Variants in NAA25 observed in about 807,000 individuals in gnomAD.
The protein encoded by NAA25 is N-terminal acetyltransferase B complex subunit NAA25.
In NAA25, 30 loss-of-function variants were observed where a neutral mutation model predicts 132.5. The ratio of observed to expected loss-of-function variants is 0.23; its 90% CI spans 0.17 to 0.31. NAA25 has a LOEUF of 0.31. Among genes scored for constraint, NAA25 ranks in the 10% least tolerant of loss-of-function variants. NAA25 has a pLI of 1.00. For synonymous variants in NAA25, 359 were observed against 401.9 expected, an observed-to-expected ratio of 0.89 and a Z score of 1.28; for missense variants, 771 against 1,150.4, an observed-to-expected ratio of 0.67 and a Z score of 4.77.
intron 1 of NAA25, among the ~76,000 whole-genome samples, chr12:112,096,395 C>T (rs1452008417): frequency 6.6e-6 from 1 of 152,156 alleles, no homozygotes; most frequent in African/African-American, 2.4e-5. Flanking sequence ...GAGTGTCCCA[C>T]AGAACAGAAA....
chr12:112,037,501 G>A (rs2078240898), intron 22 of NAA25: 1 of 147,054 alleles, frequency 6.8e-6, no homozygotes, highest in African/African-American at 2.5e-5. Flanking sequence ...AGTGGGTGAA[G>A]GGCCATTGGG....
At chr12:112,106,403 A>G (rs185052086) in intron 1 of NAA25, among the ~76,000 whole-genome samples, 1 of 151,966 alleles carries the variant, frequency 6.6e-6, no homozygotes, top group Non-Finnish European at 1.5e-5. Context: ...AAAAAAAAAA[A>G]GTCTGCAGGC....
intron 23 of NAA25, 48 bp downstream of exon 23, chr12:112,033,185 T>C (rs374225169): frequency 1.8e-5 from 28 of 1,524,518 alleles, no homozygotes; most frequent in Non-Finnish European, 2.4e-5. Context: ...AGAGACAGAG[T>C]GTTTGTGTGT....
rs751455062 is a variant in NAA25 at position 112,053,567 on chromosome 12, G to A, written c.1719C>T (p.Asn573=). 1.2e-6 allele frequency: 2 copies of A among 1,603,556 alleles called. No individual in the cohort carries two copies. Among genetic ancestry groups the A allele is most frequent in the Non-Finnish European group, 1.7e-6 (2 of 1,173,112 alleles). Residue 573 remains asparagine, a synonymous_variant, in exon 15 of 24, where the codon AAC becomes AAT. Coordinates refer to ENST00000261745, the MANE Select transcript of NAA25 (RefSeq NM_024953.4). ...CNFALRFFHS[N]QKDTSEYIIQ... ...ATAGTTTTTCACTTACATCTTTCTGGTTGGAGTGAAAAAACCTGAGTGCGA... is the reference window on the plus strand; with the variant it reads ...ATAGTTTTTCACTTACATCTTTCTGATTGGAGTGAAAAAACCTGAGTGCGA...
intron 11 of NAA25, 126 bp downstream of exon 11, chr12:112,068,754 G>A (rs2078756886): frequency 5.1e-6 from 3 of 584,806 alleles, no homozygotes; most frequent in Non-Finnish European, 6.0e-6. Flanking sequence ...TAGCTTGACA[G>A]GGCAGTTATC....
chr12:112,066,543 G>C (rs1345011875), intron 11 of NAA25, among the ~76,000 whole-genome samples: 2 of 152,128 alleles, frequency 1.3e-5, no homozygotes, highest in Non-Finnish European at 2.9e-5. Flanking sequence ...TCAAATAAGT[G>C]AACGGCAATA....
At chr12:112,077,492 G>T (rs2078910620) in intron 7 of NAA25, among the ~76,000 whole-genome samples, 1 of 150,740 alleles carries the variant, frequency 6.6e-6, no homozygotes, top group Non-Finnish European at 1.5e-5. Flanking sequence ...AAGAAAGAAA[G>T]AAATAATGGA....
chr12:112,063,730 A>G (rs998060428), intron 11 of NAA25, among the ~76,000 whole-genome samples: 4 of 152,258 alleles, frequency 2.6e-5, no homozygotes, highest in African/African-American at 9.6e-5. Context: ...GGATAAGACT[A>G]TAACTATAAA....
At chr12:112,040,661 G>A (rs1278907235) in intron 20 of NAA25, 83 bp from the exon 21 acceptor site, 4 of 736,888 alleles carry the variant, frequency 5.4e-6, no homozygotes, top group Non-Finnish European at 9.0e-6. Context: ...TAAAGAATAA[G>A]CAAATAAAAA....
intron 1 of NAA25, among the ~76,000 whole-genome samples, 156 bp downstream of exon 1, chr12:112,108,560 G>T (rs922254991): frequency 6.6e-6 from 1 of 151,568 alleles, no homozygotes; most frequent in Non-Finnish European, 1.5e-5. Flanking sequence ...GCGCCTACGC[G>T]AGGCCCGCGG....
rs1406777285 is a variant in NAA25, at chr12:112,093,073, T to C, written c.122A>G (p.His41Arg). ...TACCTTAGCACAATGAAGATCCTTA[T>C]GTTTCTTCAACAGTTTATCTGCTTG... ...IQQADKLLKK[H>R]KDLHCAKVLK... Residue 41 changes from histidine (H) to arginine (R), a missense_variant, in exon 2 of 24, where the codon CAT becomes CGT. Around this residue, in one of 3 missense-constraint regions of NAA25, gnomAD observed 417 missense variants for 733.8 expected, o/e 0.57. Transcript: ENST00000261745. 6.2e-7 allele frequency: 1 copy of C among 1,612,492 alleles called. No individual in the cohort carries two copies. Among genetic ancestry groups the C allele is most frequent in the Admixed American group, 1.7e-5 (1 of 59,918 alleles).
At chr12:112,083,131 G>A (rs191636136) in intron 4 of NAA25, among the ~76,000 whole-genome samples, 1 of 152,154 alleles carries the variant, frequency 6.6e-6, no homozygotes, top group African/African-American at 2.4e-5. Context: ...GAAAAGGTGA[G>A]GTGATGAGGC....
rs963819247 is a variant in NAA25, at chr12:112,033,173, A to G, written c.2796+60T>C. 6.1e-6 allele frequency: 9 copies of G among 1,481,770 alleles called. No homozygotes were observed. In the South Asian group the frequency reaches 9.9e-5, roughly 16 times the overall value. 91.8% of individuals were successfully genotyped at this position (1,481,770 alleles called of 1,614,324 possible). A position where few individuals can be genotyped will look rare whatever the true frequency, so the allele number is the denominator to read the frequency against. On this transcript the variant is annotated intron_variant, in intron 23 of 23. Transcript: ENST00000261745. ...CTTGTCCTTGTGATAAAGATGAGAG[A>G]GAGAGACAGAGTGTTTGTGTGTGTG... is the stretch of plus-strand genomic sequence containing the variant.
At chr12:112,084,046 C>T (rs2079009162) in intron 4 of NAA25, among the ~76,000 whole-genome samples, 2 of 152,138 alleles carry the variant, frequency 1.3e-5, no homozygotes, top group South Asian at 4.1e-4. Context: ...ATCTTGCAGG[C>T]TCTGATAATC....
Position 112,043,688 on chromosome 12 carries a change from C to G in NAA25, c.2187G>C (p.Leu729Phe). ...GGGTTGCCTCCAGCTGTTGAAGGAG[C>G]AAACGAAGAATATCAATCCGGGAGG... ...GVSSRIDILR[L>F]LLQQLEATLE... The change falls in exon 18 of 24, where the codon TTG (leucine) becomes TTC (phenylalanine). Residue 729 changes from leucine to phenylalanine, a missense_variant. Leu to Phe is a conservative substitution (Grantham distance 22). Coordinates refer to ENST00000261745, the MANE Select transcript of NAA25 (RefSeq NM_024953.4). The G allele has an allele frequency of 6.2e-7, 1 of 1,614,170 alleles. No homozygotes were observed.
chr12:112,104,576 C>T (rs191923264), intron 1 of NAA25, among the ~76,000 whole-genome samples: 180 of 152,244 alleles, frequency 1.2e-3, no homozygotes, highest in African/African-American at 4.1e-3. Flanking sequence ...GTGGCTCACG[C>T]CTGTAATCCC....
At chr12:112,030,622 A>C (rs1270854743) in intron 23 of NAA25, among the ~76,000 whole-genome samples, 1 of 152,202 alleles carries the variant, frequency 6.6e-6, no homozygotes, top group Non-Finnish European at 1.5e-5. Flanking sequence ...TCTCACAGAG[A>C]AAGGAGGTTG....
At chr12:112,085,486 C>T (rs1194793950) in intron 4 of NAA25, among the ~76,000 whole-genome samples, 1 of 152,016 alleles carries the variant, frequency 6.6e-6, no homozygotes, top group African/African-American at 2.4e-5. Flanking sequence ...TTACAACCTG[C>T]TTGTCTCAAT....
chr12:112,030,210 C>CAAAA lies in NAA25; in HGVS notation c.2797-561_2797-558dup, dbSNP rs67757055. On this transcript the variant is annotated intron_variant, in intron 23 of 23. Coordinates refer to ENST00000261745, the MANE Select transcript of NAA25 (RefSeq NM_024953.4). ...CCTGGGCGACAGAGTAAAGCTGTCT[C>CAAAA]AAAAAAAAAAAAAAAAAAAAAAAAA... Among the ~76,000 whole-genome samples the CAAAA allele has an allele frequency of 2.2e-4, 12 of 53,374 alleles. No homozygotes were observed. In the East Asian group the frequency reaches 3.3e-3, roughly 15 times the overall value. The allele number at this position is 53,374 out of a possible 152,430, so 35.0% of individuals were successfully genotyped here.
Sources: gnomAD v4.1 joint callset for allele counts (sites outside exome capture counted in the v4.1 genomes callset) on GRCh38, gnomAD v4.1.1 for gene constraint, gnomAD v4.1.1 regional missense constraint, MANE v1.5 for transcripts, NCBI Gene and HGNC (gene_info 2026-07-23, HGNC 2026-07-21) for gene names.